GABRR3: variants seen among roughly 807,000 people sequenced by gnomAD.
GABRR3 encodes the protein gamma-aminobutyric acid receptor subunit rho-3.
In GABRR3, 29 loss-of-function variants were observed where a neutral mutation model predicts 43.2. The ratio of observed to expected loss-of-function variants is 0.67; its 90% CI spans 0.50 to 0.92. The LOEUF (loss-of-function observed/expected upper bound fraction) is 0.92, where lower values mean the gene tolerates loss of function less well. Ranked by LOEUF, GABRR3 falls within the 40% of genes least tolerant of loss-of-function variation. GABRR3 has a pLI of 0.00. For missense variants in GABRR3, 576 were observed against 572.3 expected (o/e 1.01, Z -0.07); for synonymous variants, 206 against 195.9 (o/e 1.05, Z -0.43).
At chr3:97,998,472 G>A (rs1363148188) in intron 8 of GABRR3, 1 of 152,150 alleles carries the variant, frequency 6.6e-6, no homozygotes, top group African/African-American at 2.4e-5. Context: ...AAAAGTATAA[G>A]ATAGACCAAT....
At chr3:97,987,538 C>A (rs1382884369) in intron 9 of GABRR3, among the ~76,000 whole-genome samples, 1 of 152,030 alleles carries the variant, frequency 6.6e-6, no homozygotes, top group Non-Finnish European at 1.5e-5. Flanking sequence ...TAGGAAAATT[C>A]AAAAATGAAC....
At chr3:98,008,747 C>G (rs559018834) in intron 6 of GABRR3, among the ~76,000 whole-genome samples, 355 of 148,474 alleles carry the variant, frequency 2.4e-3, no homozygotes, top group African/African-American at 8.6e-3. Flanking sequence ...TTCCCCTGAA[C>G]CTTCTCCTTT....
At chr3:98,000,381 C>G (rs1272211718) in intron 8 of GABRR3, 1 of 152,090 alleles carries the variant, frequency 6.6e-6, no homozygotes, top group Non-Finnish European at 1.5e-5. Flanking sequence ...GTGCTTTCCT[C>G]ATTGTGTCTA....
At chr3:97,989,339 G>T (rs1204111811) in intron 9 of GABRR3, among the ~76,000 whole-genome samples, 1 of 150,680 alleles carries the variant, frequency 6.6e-6, no homozygotes, top group Non-Finnish European at 1.5e-5. Flanking sequence ...GTAAGTGGTG[G>T]TCAGTGGGTG....
At chr3:97,986,132 C>CA (rs1448435347), downstream of GABRR3, among the ~76,000 whole-genome samples, 2 of 152,124 alleles carry the variant, frequency 1.3e-5, no homozygotes, top group Non-Finnish European at 2.9e-5. Context: ...TCCCAAAGTG[C>CA]TGGGATAACA....
At chr3:98,030,578 C>T (rs973318600) in intron 2 of GABRR3, among the ~76,000 whole-genome samples, 2 of 152,152 alleles carry the variant, frequency 1.3e-5, no homozygotes, top group Non-Finnish European at 1.5e-5. Flanking sequence ...TCTTTTTCCA[C>T]ATAAAAATCC....
chr3:98,008,853 TC>T, intron 6 of GABRR3, 102 bp downstream of exon 6: 1 of 446,390 alleles, frequency 2.2e-6, no homozygotes, highest in Non-Finnish European at 3.9e-6. Context: ...GATAAATATA[TC>T]AGTATTTTAA....
intron 8 of GABRR3, among the ~76,000 whole-genome samples, chr3:97,993,662 T>C (rs1328627762): frequency 6.6e-6 from 1 of 152,196 alleles, no homozygotes; most frequent in Non-Finnish European, 1.5e-5. Flanking sequence ...GTTCAGTTCA[T>C]TGTAAACACT....
chr3:98,019,974 T>C (rs2107244894), intron 3 of GABRR3, among the ~76,000 whole-genome samples: 1 of 152,282 alleles, frequency 6.6e-6, no homozygotes, highest in South Asian at 2.1e-4. Context: ...CTTTTTTACG[T>C]GTGTGTGCCT....
exon 5 of GABRR3, chr3:98,012,417 A>G: frequency 6.2e-7 from 1 of 1,613,982 alleles, no homozygotes. Context: ...TCATGGATGA[A>G]GGATCTTTTA....
intron 9 of GABRR3, among the ~76,000 whole-genome samples, chr3:97,987,197 G>C (rs1315493412): frequency 2.6e-5 from 4 of 152,086 alleles, no homozygotes; most frequent in Non-Finnish European, 5.9e-5. Flanking sequence ...CATGTCATCG[G>C]TGATCCATTT....
intron 4 of GABRR3, among the ~76,000 whole-genome samples, chr3:98,013,233 A>C (rs920552972): frequency 3.3e-5 from 5 of 152,216 alleles, no homozygotes; most frequent in African/African-American, 1.2e-4. Context: ...TAGTTCTCAG[A>C]GATTCTGATT....
At chr3:97,999,937 G>A (rs537006157) in intron 8 of GABRR3, 1 of 152,064 alleles carries the variant, frequency 6.6e-6, no homozygotes, top group Admixed American at 6.6e-5. Context: ...AATTGGGACA[G>A]ATGAATAGGT....
chr3:98,034,371 T>C (rs1707126165), intron 2 of GABRR3, among the ~76,000 whole-genome samples: 2 of 152,276 alleles, frequency 1.3e-5, no homozygotes, highest in Non-Finnish European at 1.5e-5. Context: ...TTGATATTCA[T>C]GATTTGTCAA....
chr3:97,998,734 T>C (rs1169820106), intron 8 of GABRR3: 7 of 152,118 alleles, frequency 4.6e-5, no homozygotes, highest in Non-Finnish European at 1.0e-4. Context: ...CCAGCTGCCC[T>C]CTATAAAGGT....
intron 4 of GABRR3, among the ~76,000 whole-genome samples, chr3:98,017,288 A>G (rs1706883256): frequency 6.6e-6 from 1 of 152,206 alleles, no homozygotes; most frequent in Non-Finnish European, 1.5e-5. Flanking sequence ...TCAACTGTTT[A>G]TTATTTTACA....
At chr3:98,010,511 T>C (rs1706776064) in intron 5 of GABRR3, among the ~76,000 whole-genome samples, 2 of 152,130 alleles carry the variant, frequency 1.3e-5, no homozygotes, top group South Asian at 4.1e-4. Context: ...GTAAATCACA[T>C]TGTTAGCAGA....
At chr3:98,023,370 T>C (rs932563597) in intron 3 of GABRR3, among the ~76,000 whole-genome samples, 1 of 152,174 alleles carries the variant, frequency 6.6e-6, no homozygotes, top group Non-Finnish European at 1.5e-5. Context: ...AGCTTCCAAC[T>C]GTGGCTCCGG....
exon 4 of GABRR3, chr3:98,017,667 T>C: frequency 6.2e-7 from 1 of 1,609,956 alleles, no homozygotes; most frequent in South Asian, 1.1e-5. Context: ...TGTTAGTCTC[T>C]GAAATGCTGT....
Sources: allele counts gnomAD v4.1 joint callset (sites outside exome capture counted in the v4.1 genomes callset), GRCh38; gene constraint gnomAD v4.1.1; transcripts MANE v1.5; gene names NCBI Gene and HGNC (gene_info 2026-07-23, HGNC 2026-07-21).